Variants in EPHB2 observed in about 807,000 individuals in gnomAD.
EPHB2 encodes the protein EPH receptor B2.
In EPHB2, 18 loss-of-function variants were observed where a neutral mutation model predicts 96.4. The ratio of observed to expected loss-of-function variants is 0.19; its 90% CI spans 0.13 to 0.28. The LOEUF (loss-of-function observed/expected upper bound fraction) is 0.28. EPHB2 is among the 10% of genes least tolerant of loss of function. The pLI, the probability that EPHB2 is intolerant of heterozygous loss-of-function variation, is 1.00. For synonymous variants in EPHB2, 506 were observed against 534.1 expected (o/e 0.95, Z 0.72); for missense variants, 989 against 1,355.4 (o/e 0.73, Z 4.25).
intron 3 of EPHB2, among the ~76,000 whole-genome samples, chr1:22,859,296 G>T (rs1186494007): frequency 7.9e-6 from 1 of 126,752 alleles, no homozygotes; most frequent in Non-Finnish European, 1.6e-5. Flanking sequence ...GGTGGGCCTG[G>T]TGGGGGGGGG....
chr1:22,766,731 G>GT (rs1289365305), intron 1 of EPHB2, among the ~76,000 whole-genome samples: 1 of 152,176 alleles, frequency 6.6e-6, no homozygotes, highest in East Asian at 1.9e-4. Context: ...GCGAGCCAGC[G>GT]TGGTGAGATG....
At chr1:22,863,965 A>T (rs530480386) in intron 4 of EPHB2, among the ~76,000 whole-genome samples, 57 of 151,658 alleles carry the variant, frequency 3.8e-4, no homozygotes, top group Non-Finnish European at 7.4e-4. Flanking sequence ...GGGCTCAAGG[A>T]ATCTTCCCGC....
rs1640195688 is a variant in EPHB2 at position 22,913,888 on chromosome 1, T to C, written c.*318T>C. On this transcript the variant is annotated 3_prime_UTR_variant, in exon 16 of 16. Coordinates refer to ENST00000374630, the MANE Select transcript of EPHB2 (RefSeq NM_017449.5). The surrounding 1 kb of genome is among the most constrained non-coding windows in gnomAD (Gnocchi z 4.1). ...GGGGATAAAAAAGGGCTTGGGAGAT[T>C]CATGCGATGTGTCCAATCGGAGACA... 6.3e-7 allele frequency: 1 copy of C among 1,576,230 alleles called. No homozygotes were observed. The highest frequency in any genetic ancestry group is 1.4e-5 in the African/African-American group (1 of 73,228).
At chr1:22,863,998 C>T (rs1294953203) in intron 4 of EPHB2, among the ~76,000 whole-genome samples, 1 of 151,212 alleles carries the variant, frequency 6.6e-6, no homozygotes, top group East Asian at 2.0e-4. Flanking sequence ...TGCTGGATTA[C>T]AGGCATGAGC....
At chr1:22,889,399 G>T (rs1027022023) in intron 6 of EPHB2, among the ~76,000 whole-genome samples, 7 of 152,166 alleles carry the variant, frequency 4.6e-5, no homozygotes, top group African/African-American at 7.2e-5. Context: ...AGCCCATGTT[G>T]TACAGTGGCA....
At chr1:22,855,846 G>C (rs1350730660) in intron 3 of EPHB2, among the ~76,000 whole-genome samples, 1 of 152,168 alleles carries the variant, frequency 6.6e-6, no homozygotes, top group South Asian at 2.1e-4. Flanking sequence ...CTTGCTCATG[G>C]TCACACAGTT....
chr1:22,827,240 C>A (rs1645237551), intron 3 of EPHB2, among the ~76,000 whole-genome samples: 2 of 152,220 alleles, frequency 1.3e-5, no homozygotes, highest in South Asian at 4.1e-4. Context: ...GTCAGTCTGT[C>A]CTCGGAGCCC....
At chr1:22,770,045 A>C (rs948263883) in intron 1 of EPHB2, among the ~76,000 whole-genome samples, 1 of 152,136 alleles carries the variant, frequency 6.6e-6, no homozygotes, top group Non-Finnish European at 1.5e-5. Flanking sequence ...TGGCAGAATG[A>C]CTTCATAAAT....
At chr1:22,817,150 T>C (rs1645086765) in intron 3 of EPHB2, among the ~76,000 whole-genome samples, 2 of 152,200 alleles carry the variant, frequency 1.3e-5, no homozygotes. Context: ...TAACCAGGCC[T>C]GCTCCCTCCA....
At chr1:22,783,130 G>C (rs1644558289) in intron 2 of EPHB2, among the ~76,000 whole-genome samples, 1 of 152,214 alleles carries the variant, frequency 6.6e-6, no homozygotes, top group Non-Finnish European at 1.5e-5. Flanking sequence ...TGGTGTCCTT[G>C]TGTTTCCAGG....
rs1645539615 is a variant in EPHB2, at chr1:22,846,240, A to G, written c.812-16797A>G. Among the ~76,000 whole-genome samples, 1 of 152,132 alleles carries G rather than the reference A, an allele frequency of 6.6e-6. No homozygotes were observed. The highest frequency in any genetic ancestry group is 1.5e-5 in the Non-Finnish European group (1 of 68,026). ...CGAGACCAGCCTGGCCAACATGGTG[A>G]AACGCCATCTCGACTAAAAATATAA... On this transcript the variant is annotated intron_variant, in intron 3 of 15. Transcript: ENST00000374630. This position sits in a 1 kb window ranked among gnomAD's most constrained non-coding sequence, Gnocchi z 4.3.
Position 22,858,139 on chromosome 1 carries a change from A to G in EPHB2, c.812-4898A>G, listed in dbSNP as rs1158482741. ...GAGCCAGCGACGGGAAGAGCAGGGA[A>G]AGCCTTCCGGGCAGAGGGAACAGCT... On this transcript the variant is annotated intron_variant, in intron 3 of 15. Transcript: ENST00000374630. The surrounding 1 kb of genome is among the most constrained non-coding windows in gnomAD (Gnocchi z 7.7). Among the ~76,000 whole-genome samples the G allele has an allele frequency of 6.6e-6, 1 of 152,078 alleles. No homozygotes were observed. Among genetic ancestry groups the G allele is most frequent in the East Asian group, 1.9e-4 (1 of 5,178 alleles).
At chr1:22,817,069 C>T (rs1053491694) in intron 3 of EPHB2, among the ~76,000 whole-genome samples, 2 of 152,186 alleles carry the variant, frequency 1.3e-5, no homozygotes, top group Non-Finnish European at 2.9e-5. Flanking sequence ...AGATCAATAC[C>T]AAGGTGGATG....
chr1:22,882,718 C>T (rs1203185878), intron 6 of EPHB2: 3 of 501,202 alleles, frequency 6.0e-6, no homozygotes, highest in Admixed American at 3.3e-5. Context: ...CTGGAGGATA[C>T]ACCCAGCAAT....
rs114470203 is a variant in EPHB2 at position 22,904,947 on chromosome 1, G to C, written c.1766-1040G>C. Among the ~76,000 whole-genome samples, 1,256 of 152,332 alleles carry C rather than the reference G, an allele frequency of 8.2e-3. 16 individuals carry two copies. The highest frequency in any genetic ancestry group is 0.011 in the Non-Finnish European group (737 of 68,024). On this transcript the variant is annotated intron_variant, in intron 9 of 15. Transcript: ENST00000374630. ...CAAGGATTTCAACTGCCAACTCCTA[G>C]AACTTCTGCCTCCAAATTTGCAGCT...
intron 1 of EPHB2, among the ~76,000 whole-genome samples, chr1:22,715,692 GA>G (rs1643275108): frequency 1.3e-5 from 2 of 152,340 alleles, no homozygotes; most frequent in South Asian, 4.1e-4. Context: ...TATTTTTAAA[GA>G]GTCACCAGGC....
chr1:22,727,863 G>C (rs536208815), intron 1 of EPHB2, among the ~76,000 whole-genome samples: 1 of 144,452 alleles, frequency 6.9e-6, no homozygotes, highest in Admixed American at 7.0e-5. Context: ...GGCTGGTCTT[G>C]AACTCCTGGG....
chr1:22,848,842 T>C (rs1185488410), intron 3 of EPHB2, among the ~76,000 whole-genome samples: 1 of 152,124 alleles, frequency 6.6e-6, no homozygotes, highest in Non-Finnish European at 1.5e-5. Context: ...TTCCGGGGGA[T>C]ACAGTGGTTC....
intron 1 of EPHB2, among the ~76,000 whole-genome samples, chr1:22,761,342 G>T (rs1158401563): frequency 6.6e-6 from 1 of 152,146 alleles, no homozygotes; most frequent in African/African-American, 2.4e-5. Flanking sequence ...GATCGTGGGG[G>T]GAGATAATTA....
Sources: gnomAD v4.1 joint callset for allele counts (sites outside exome capture counted in the v4.1 genomes callset) on GRCh38, gnomAD v4.1.1 for gene constraint, Gnocchi (gnomAD v3.1) non-coding constraint, MANE v1.5 for transcripts, NCBI Gene and HGNC (gene_info 2026-07-23, HGNC 2026-07-21) for gene names.